Variants in MTMR8 observed in about 807,000 individuals in gnomAD.
MTMR8 encodes phosphatidylinositol-3,5-bisphosphate 3-phosphatase MTMR8.
Under a neutral mutation model 39.3 loss-of-function variants are expected in MTMR8, and 65 were observed. The observed-to-expected ratio is 1.65, with a 90% CI of 1.35 to 2.03. MTMR8 has a LOEUF of 2.03. Ranked by LOEUF, MTMR8 falls within the 30% of genes most tolerant of loss-of-function variation. The probability of loss-of-function intolerance (pLI) is 0.00; values close to 1 mark genes in which losing one functional copy is unlikely to be tolerated. For synonymous variants in MTMR8, 245 were observed against 185.2 expected, an observed-to-expected ratio of 1.32 and a Z score of -2.62; for missense variants, 777 against 538.9, an observed-to-expected ratio of 1.44 and a Z score of -4.37.
chrX:64,366,595 A>G (rs778899468), intron 1 of MTMR8, among the ~76,000 whole-genome samples: 77 of 112,320 alleles, frequency 6.9e-4, no homozygotes, highest in African/African-American at 2.4e-3. Context: ...TCTCTGGGAC[A>G]CATTTAAAGC....
In MTMR8 at chrX:64,331,675, G is replaced by C; in HGVS notation, c.1234C>G (p.Gln412Glu). 8.3e-7 allele frequency: 1 copy of C among 1,210,334 alleles called. No individual in the cohort carries two copies. The highest frequency in any genetic ancestry group is 1.1e-6 in the Non-Finnish European group (1 of 894,447). ...TTAAACTCAAAGGCACAGGGAAACTGTTCCATTAATTGCCAGATACAGTCT... is the reference window on the plus strand; with the variant it reads ...TTAAACTCAAAGGCACAGGGAAACTCTTCCATTAATTGCCAGATACAGTCT... ...FLDCIWQLMEQFPCAFEFNEN... is the reference protein window; with the variant it reads ...FLDCIWQLMEEFPCAFEFNEN... The change falls in exon 11 of 14, where the codon CAG (glutamine) becomes GAG (glutamate). Residue 412 changes from glutamine to glutamate, a missense_variant. Physicochemically the swap from Gln to Glu is conservative, Grantham distance 29. Coordinates refer to ENST00000374852, the MANE Select transcript of MTMR8 (RefSeq NM_017677.4).
chrX:64,345,088 C>A lies in MTMR8; in HGVS notation c.822G>T (p.Glu274Asp). Residue 274 changes from glutamate to aspartate, a missense_variant, in exon 7 of 14, where the codon GAG becomes GAT. Physicochemically the swap from Glu to Asp is conservative, Grantham distance 45. Coordinates refer to ENST00000374852, the MANE Select transcript of MTMR8 (RefSeq NM_017677.4). ...ANIRFRFMGI[E>D]NIHVMRSSLQ... is the part of the protein sequence containing the mutation. ...GACTGCTCCGCATTACATGGATGTT[C>A]TCAATGCCCATGAATCTGAAGCGAA... 8.3e-7 allele frequency: 1 copy of A among 1,211,095 alleles called. No individual in the cohort carries two copies. The highest frequency in any genetic ancestry group is 1.1e-6 in the Non-Finnish European group (1 of 894,840).
chrX:64,286,676 G>A (rs770275553), intron 12 of MTMR8, among the ~76,000 whole-genome samples: 70 of 111,752 alleles, frequency 6.3e-4, no homozygotes, highest in African/African-American at 2.1e-3. Flanking sequence ...ATCAATAAAC[G>A]TAATCTAGCA....
intron 1 of MTMR8, among the ~76,000 whole-genome samples, chrX:64,361,442 T>C (rs1409641302): frequency 9.0e-6 from 1 of 111,727 alleles, no homozygotes; most frequent in East Asian, 2.8e-4. Flanking sequence ...CAAAAAATGC[T>C]AAATAATGTT....
chrX:64,376,794 A>T (rs1032684320), intron 1 of MTMR8, among the ~76,000 whole-genome samples: 2 of 112,210 alleles, frequency 1.8e-5, no homozygotes, highest in Admixed American at 9.4e-5. Context: ...AGCCAAAACA[A>T]TGGAGAAAAT....
intron 12 of MTMR8, among the ~76,000 whole-genome samples, chrX:64,311,518 T>G (rs1466290874): frequency 1.8e-5 from 2 of 111,963 alleles, no homozygotes; most frequent in Non-Finnish European, 3.8e-5. Flanking sequence ...ATTTGTCTAT[T>G]TTGGCTTTTG....
chrX:64,394,251 C>A (rs1015390819), intron 1 of MTMR8, among the ~76,000 whole-genome samples: 5 of 111,808 alleles, frequency 4.5e-5, no homozygotes, highest in African/African-American at 1.6e-4. Flanking sequence ...CGGGTCCCTC[C>A]CACAACACGT....
intron 8 of MTMR8, among the ~76,000 whole-genome samples, chrX:64,339,774 G>A (rs1923167985): frequency 9.2e-6 from 1 of 108,764 alleles, no homozygotes; most frequent in Non-Finnish European, 1.9e-5. Flanking sequence ...CAGAAGATGG[G>A]GCACTATGTC....
chrX:64,327,556 G>A (rs1036385732), intron 12 of MTMR8, among the ~76,000 whole-genome samples: 2 of 111,907 alleles, frequency 1.8e-5, no homozygotes, highest in African/African-American at 6.5e-5. Context: ...TGGAAAAAGG[G>A]GAACACTCAC....
intron 9 of MTMR8, among the ~76,000 whole-genome samples, chrX:64,336,600 C>T (rs1923081939): frequency 9.1e-6 from 1 of 109,918 alleles, no homozygotes; most frequent in African/African-American, 3.3e-5. Flanking sequence ...GAGTTTGAGA[C>T]CAGACTGGCC....
At chrX:64,287,454 G>GA (rs1157394272) in intron 12 of MTMR8, among the ~76,000 whole-genome samples, 80 of 111,018 alleles carry the variant, frequency 7.2e-4, no homozygotes, top group Non-Finnish European at 1.3e-3. Context: ...CACAGAATTG[G>GA]AAAAAACTAC....
At chrX:64,346,212 C>T (rs1223318644) in intron 6 of MTMR8, among the ~76,000 whole-genome samples, 1 of 111,055 alleles carries the variant, frequency 9.0e-6, no homozygotes, top group Non-Finnish European at 1.9e-5. Flanking sequence ...TTTCTCATCT[C>T]CCAATATTGT....
intron 1 of MTMR8, among the ~76,000 whole-genome samples, chrX:64,366,378 T>G (rs914462128): frequency 2.7e-5 from 3 of 111,757 alleles, no homozygotes; most frequent in Non-Finnish European, 5.6e-5. Context: ...TCAGAAAATA[T>G]AAAAGAACAG....
intron 12 of MTMR8, among the ~76,000 whole-genome samples, chrX:64,278,740 G>A (rs1931939793): frequency 9.0e-6 from 1 of 110,644 alleles, no homozygotes; most frequent in Admixed American, 9.6e-5. Flanking sequence ...CCAAAGTACT[G>A]GGATTACAGG....
At chrX:64,355,000 C>A in intron 3 of MTMR8, 66 bp from the exon 4 acceptor site, 3 of 924,591 alleles carry the variant, frequency 3.2e-6, no homozygotes, top group African/African-American at 4.0e-5. Context: ...TCAAACAATG[C>A]AAATAAAGGC....
chrX:64,327,913 C>T (rs1056988496), intron 12 of MTMR8, among the ~76,000 whole-genome samples: 3 of 111,840 alleles, frequency 2.7e-5, no homozygotes, highest in African/African-American at 6.5e-5. Flanking sequence ...TTATGTTAAG[C>T]GAAATAAGCC....
At chrX:64,375,912 C>A (rs1388452910) in intron 1 of MTMR8, among the ~76,000 whole-genome samples, 2 of 111,748 alleles carry the variant, frequency 1.8e-5, no homozygotes, top group African/African-American at 3.3e-5. Flanking sequence ...TGAGGGTGGA[C>A]TTCCCCCTTG....
intron 1 of MTMR8, among the ~76,000 whole-genome samples, chrX:64,367,561 C>G (rs192733203): frequency 3.6e-5 from 4 of 111,697 alleles, no homozygotes; most frequent in Non-Finnish European, 5.7e-5. Context: ...ATTCAACAGC[C>G]CTTCATGCTA....
intron 12 of MTMR8, among the ~76,000 whole-genome samples, chrX:64,289,423 T>C (rs1339073366): frequency 9.1e-6 from 1 of 109,797 alleles, no homozygotes; most frequent in Non-Finnish European, 1.9e-5. Flanking sequence ...CACTTCCAGA[T>C]ACGTATCAAA....
Sources: allele counts gnomAD v4.1 joint callset (sites outside exome capture counted in the v4.1 genomes callset), GRCh38; gene constraint gnomAD v4.1.1; transcripts MANE v1.5; gene names NCBI Gene and HGNC (gene_info 2026-07-23, HGNC 2026-07-21).